The following GLT8D2 variants were observed in gnomAD, a reference collection of about 807,000 sequenced individuals.
The protein encoded by GLT8D2 is glycosyltransferase 8 domain-containing protein 2.
A neutral mutation model predicts 44.5 loss-of-function variants in GLT8D2; 45 were observed. The ratio of observed to expected loss-of-function variants is 1.01; its 90% CI spans 0.80 to 1.30. The LOEUF (loss-of-function observed/expected upper bound fraction) is 1.30. GLT8D2 is among the 50% of genes most tolerant of loss of function. The probability of loss-of-function intolerance (pLI) is 0.00; values close to 1 mark genes in which losing one functional copy is unlikely to be tolerated. For missense variants in GLT8D2, 400 were observed against 430.4 expected (o/e 0.93, Z 0.62); for synonymous variants, 156 against 157.2 (o/e 0.99, Z 0.06).
intron 3 of GLT8D2, among the ~76,000 whole-genome samples, chr12:104,016,711 GAA>G (rs1876689587): frequency 3.3e-5 from 1 of 30,640 alleles, no homozygotes; most frequent in Non-Finnish European, 6.9e-5. Context: ...AAGGGAGAGA[GAA>G]AGAAAGAAAG....
At chr12:104,054,685 C>T (rs142104834), upstream of GLT8D2, among the ~76,000 whole-genome samples, 2,429 of 152,150 alleles carry the variant, frequency 0.016, 45 homozygotes, top group South Asian at 0.082. Context: ...TAGAGTGGCA[C>T]GTGAGCAGAC....
intron 1 of GLT8D2, among the ~76,000 whole-genome samples, chr12:104,038,198 G>A (rs1267638187): frequency 1.3e-5 from 2 of 152,120 alleles, no homozygotes; most frequent in South Asian, 4.1e-4. Flanking sequence ...ATACTGAATG[G>A]GCAAAAACTG....
rs1234484570 is a variant in GLT8D2 at position 103,994,495 on chromosome 12, A to G, written c.607T>C (p.Tyr203His). ...TTCCGGTAGTCCAGATAGCCCATAT[A>G]TGTGTTCTGTAAGGGAACAGGATGT... ...INRLVGLQNTYMGYLDYRKKA... is the reference protein window; with the variant it reads ...INRLVGLQNTHMGYLDYRKKA... The change falls in exon 9 of 11, where the codon TAT (tyrosine) becomes CAT (histidine). Residue 203 changes from tyrosine (Y) to histidine (H), a missense_variant. Tyr to His is a moderately conservative substitution (Grantham distance 83, BLOSUM62 2). Transcript: ENST00000360814. 6.2e-7 allele frequency: 1 copy of G among 1,610,486 alleles called. No homozygotes were observed. The highest frequency in any genetic ancestry group is 1.1e-5 in the South Asian group (1 of 90,110).
At chr12:104,018,616 G>C (rs1877202676) in intron 3 of GLT8D2, among the ~76,000 whole-genome samples, 1 of 152,164 alleles carries the variant, frequency 6.6e-6, no homozygotes, top group Non-Finnish European at 1.5e-5. Context: ...CCTCACACCT[G>C]TAATCCCAGC....
intron 1 of GLT8D2, among the ~76,000 whole-genome samples, chr12:104,061,696 G>A (rs1471814029): frequency 1.3e-5 from 2 of 152,042 alleles, no homozygotes; most frequent in African/African-American, 2.4e-5. Context: ...AATTGGGCTG[G>A]CCAGGCGCAG....
intron 1 of GLT8D2, among the ~76,000 whole-genome samples, chr12:104,056,811 A>G (rs1193188517): frequency 6.6e-6 from 1 of 152,240 alleles, no homozygotes; most frequent in Admixed American, 6.5e-5. Context: ...ACAGCACATC[A>G]CTTCATTTCT....
chr12:104,027,909 G>A (rs980799845), intron 1 of GLT8D2, among the ~76,000 whole-genome samples: 1 of 152,194 alleles, frequency 6.6e-6, no homozygotes, highest in African/African-American at 2.4e-5. Context: ...TTGGGGTCCA[G>A]ATAACAGATT....
At chr12:103,989,661 A>T (rs916300836) in intron 10 of GLT8D2, 84 bp from the exon 11 acceptor site, 7 of 1,196,822 alleles carry the variant, frequency 5.8e-6, no homozygotes, top group Non-Finnish European at 8.2e-6. Flanking sequence ...TTCATAGTTT[A>T]AAAAAAGGTA....
chr12:104,060,938 AAAG>A (rs976864370), intron 1 of GLT8D2, among the ~76,000 whole-genome samples: 3 of 152,080 alleles, frequency 2.0e-5, no homozygotes, highest in African/African-American at 7.2e-5. Flanking sequence ...GAAAAAAAAA[AAAG>A]AAGAGACAGA....
At chr12:104,016,900 G>GAAAAAT (rs1876945278) in intron 3 of GLT8D2, among the ~76,000 whole-genome samples, 1 of 148,760 alleles carries the variant, frequency 6.7e-6, no homozygotes, top group South Asian at 2.2e-4. Flanking sequence ...AAGAGAGAAA[G>GAAAAAT]AAAGAAAGGA....
chr12:104,013,924 A>T (rs529659514), intron 4 of GLT8D2, among the ~76,000 whole-genome samples: 2 of 152,154 alleles, frequency 1.3e-5, no homozygotes, highest in East Asian at 3.9e-4. Context: ...GTGTGCATGC[A>T]GATGGGGTCT....
intron 1 of GLT8D2, among the ~76,000 whole-genome samples, chr12:104,055,681 A>G (rs1040620732): frequency 1.3e-5 from 2 of 152,168 alleles, no homozygotes. Flanking sequence ...GATGTTCATC[A>G]TTTCTTCTTG....
chr12:103,993,399 C>T lies in GLT8D2; in HGVS notation c.873G>A (p.Arg291=). 1 of 1,610,370 alleles carries T rather than the reference C, an allele frequency of 6.2e-7. No individual in the cohort carries two copies. The change falls in exon 10 of 11, where the codon AGG becomes AGA. Residue 291 remains arginine, a synonymous_variant. Transcript: ENST00000360814. ...TTTTTCTGAAATACTTACCCAGGTGCCTTATGTGCCACAGGGGGTTAATTG... is the reference window on the plus strand; with the variant it reads ...TTTTTCTGAAATACTTACCCAGGTGTCTTATGTGCCACAGGGGGTTAATTG... ...YSTINPLWHI[R]HLGWNPDARY... is the part of the protein sequence containing the mutation.
intron 2 of GLT8D2, among the ~76,000 whole-genome samples, chr12:104,020,612 A>G (rs1593549038): frequency 1.3e-5 from 2 of 152,336 alleles, no homozygotes; most frequent in South Asian, 4.1e-4. Flanking sequence ...GGTAAGTGCT[A>G]TGAAGGAAGC....
At chr12:104,020,589 A>G (rs751606289) in intron 2 of GLT8D2, among the ~76,000 whole-genome samples, 25 of 152,218 alleles carry the variant, frequency 1.6e-4, no homozygotes, top group Non-Finnish European at 2.8e-4. Context: ...GACACATAAA[A>G]GTATTAGATT....
intron 10 of GLT8D2, among the ~76,000 whole-genome samples, chr12:103,990,131 A>G (rs1366272958): frequency 1.1e-5 from 1 of 94,348 alleles, no homozygotes; most frequent in African/African-American, 4.2e-5. Context: ...ATATATATAT[A>G]TATGTAGGAT....
At chr12:104,032,538 T>C (rs948897659) in intron 1 of GLT8D2, among the ~76,000 whole-genome samples, 2 of 127,770 alleles carry the variant, frequency 1.6e-5, no homozygotes, top group African/African-American at 6.4e-5. Context: ...AGCACACAAA[T>C]GGCCAAGAGG....
chr12:104,035,231 A>C (rs189332731), intron 1 of GLT8D2, among the ~76,000 whole-genome samples: 1 of 152,238 alleles, frequency 6.6e-6, no homozygotes, highest in Non-Finnish European at 1.5e-5. Context: ...AGAAAAGCTG[A>C]AAATTCTAAA....
chr12:104,018,366 T>C (rs1877160168), intron 3 of GLT8D2, among the ~76,000 whole-genome samples: 1 of 152,176 alleles, frequency 6.6e-6, no homozygotes, highest in Non-Finnish European at 1.5e-5. Context: ...GTCTTCCCAT[T>C]TGTAAAAGAG....
Sources: allele counts gnomAD v4.1 joint callset (sites outside exome capture counted in the v4.1 genomes callset), GRCh38; gene constraint gnomAD v4.1.1; transcripts MANE v1.5; gene names NCBI Gene and HGNC (gene_info 2026-07-23, HGNC 2026-07-21).